The following CEP44 variants were observed in gnomAD, a reference collection of about 807,000 sequenced individuals.
The protein encoded by CEP44 is centrosomal protein 44.
A neutral mutation model predicts 46.7 loss-of-function variants in CEP44; 45 were observed. That is an observed-to-expected ratio of 0.96 (90% CI 0.76 to 1.24). The LOEUF is 1.24. CEP44 is among the 50% of genes most tolerant of loss of function. The pLI is 0.00. For synonymous variants in CEP44, 142 were observed against 146.0 expected, an observed-to-expected ratio of 0.97 and a Z score of 0.20; for missense variants, 475 against 459.7, an observed-to-expected ratio of 1.03 and a Z score of -0.30.
intron 8 of CEP44, among the ~76,000 whole-genome samples, chr4:174,328,486 G>A (rs1277048050): frequency 6.6e-6 from 1 of 152,192 alleles, no homozygotes; most frequent in Non-Finnish European, 1.5e-5. Flanking sequence ...CTGCCTCGTA[G>A]AATTCCAGGA....
Position 174,286,522 on chromosome 4 carries a change from A to G in CEP44, c.-148+2579A>G, listed in dbSNP as rs928950704. On this transcript the variant is annotated intron_variant, in intron 1 of 11. Coordinates refer to ENST00000503780, the MANE Select transcript of CEP44 (RefSeq NM_001040157.3). The surrounding 1 kb of genome is among the most constrained non-coding windows in gnomAD (Gnocchi z 5.2). ...TATTGTTATGTATTACTTTTCTTCTATGAAGTGTCCATGGACAGTTGTGGT... is the reference window on the plus strand; with the variant it reads ...TATTGTTATGTATTACTTTTCTTCTGTGAAGTGTCCATGGACAGTTGTGGT... Among the ~76,000 whole-genome samples the G allele has an allele frequency of 5.9e-5, 9 of 152,186 alleles. No individual in the cohort carries two copies. The highest frequency in any genetic ancestry group is 1.9e-4 in the African/African-American group (8 of 41,436).
chr4:174,323,849 CAA>C (rs1311922864), downstream of CEP44, among the ~76,000 whole-genome samples: 1 of 152,064 alleles, frequency 6.6e-6, no homozygotes, highest in Non-Finnish European at 1.5e-5. Flanking sequence ...TTGAACTGGA[CAA>C]GAGCTGATCC....
rs1003941624 is a variant in CEP44, at chr4:174,320,287, T to C, written c.*2904T>C. ...TTGTTTTCCTCTACTGTTTTTAATG[T>C]GATGTTGTAATATATTTTAAAAATA... is the stretch of plus-strand genomic sequence containing the variant. On this transcript the variant is annotated 3_prime_UTR_variant, in exon 12 of 12. Coordinates refer to ENST00000503780, the MANE Select transcript of CEP44 (RefSeq NM_001040157.3). The C allele has an allele frequency of 1.0e-6, 1 of 979,140 alleles. No individual in the cohort carries two copies. The highest frequency in any genetic ancestry group is 6.2e-5 in the Admixed American group (1 of 16,220). The allele number at this position is 979,140 out of a possible 1,614,324, so 60.7% of individuals were successfully genotyped here.
chr4:174,303,712 G>C lies in CEP44; in HGVS notation c.247G>C (p.Asp83His). Reference sequence around the variant, plus strand: ...TCTGTTTCCTCTGCAGCTTCTTCGTGATCAATTTAATTATAAACCAATTTT... The same window carrying C: ...TCTGTTTCCTCTGCAGCTTCTTCGTCATCAATTTAATTATAAACCAATTTT... ...FIDAVYKLLR[D>H]QFNYKPILTK... The change falls in exon 5 of 12, where the codon GAT (aspartate) becomes CAT (histidine). Residue 83 changes from aspartate (D) to histidine (H), a missense_variant. By Grantham distance (81) the Asp-to-His change is moderately conservative. Transcript: ENST00000503780. 1 of 1,522,828 alleles carries C rather than the reference G, an allele frequency of 6.6e-7. No individual in the cohort carries two copies. The highest frequency in any genetic ancestry group is 9.0e-7 in the Non-Finnish European group (1 of 1,117,008). 94.3% of individuals were successfully genotyped at this position (1,522,828 alleles called of 1,614,324 possible). A position where few individuals can be genotyped will look rare whatever the true frequency, so the allele number is the denominator to read the frequency against.
At position 174,326,076 on chromosome 4, in the gene CEP44, C is replaced by T. The variant is rs1264297614; in HGVS notation, c.1087-5406C>T. On this transcript the variant is annotated intron_variant, in intron 8 of 8. Coordinates refer to the CEP44 transcript ENST00000426172. The surrounding 1 kb of genome is among the most constrained non-coding windows in gnomAD (Gnocchi z 4.8). ...ATTTAACTTGATTATGGATATGGTT[C>T]AAATCTACCACCTTCTTATATTTGT... Among the ~76,000 whole-genome samples the T allele has an allele frequency of 1.3e-5, 2 of 152,052 alleles. No homozygotes were observed. The highest frequency in any genetic ancestry group is 4.8e-5 in the African/African-American group (2 of 41,424).
chr4:174,297,151 C>G lies in CEP44; in HGVS notation c.-147-815C>G, dbSNP rs1229078264. Among the ~76,000 whole-genome samples, 1 of 151,904 alleles carries G rather than the reference C, an allele frequency of 6.6e-6. No homozygotes were observed. The highest frequency in any genetic ancestry group is 1.5e-5 in the Non-Finnish European group (1 of 67,954). ...ATGTAGTTAGATCTTATTTTTGATC[C>G]ACTTTAACAATCTCTGGCTCATTTT... On this transcript the variant is annotated intron_variant, in intron 1 of 11. Coordinates refer to ENST00000503780, the MANE Select transcript of CEP44 (RefSeq NM_001040157.3). The surrounding 1 kb of genome is among the most constrained non-coding windows in gnomAD (Gnocchi z 4.3).
intron 1 of CEP44, among the ~76,000 whole-genome samples, chr4:174,285,755 C>G (rs1256584722): frequency 6.6e-6 from 1 of 152,150 alleles, no homozygotes; most frequent in Non-Finnish European, 1.5e-5. Flanking sequence ...CCGAAAGAAG[C>G]TCAGACCTAC....
At chr4:174,299,619 A>AT (rs1444285820) in intron 3 of CEP44, among the ~76,000 whole-genome samples, 2 of 152,098 alleles carry the variant, frequency 1.3e-5, no homozygotes, top group African/African-American at 4.8e-5. Flanking sequence ...CTTATCATTT[A>AT]TTTGTTTATT....
chr4:174,303,404 T>C (rs953552616), intron 4 of CEP44, among the ~76,000 whole-genome samples: 1 of 152,328 alleles, frequency 6.6e-6, no homozygotes, highest in African/African-American at 2.4e-5. Flanking sequence ...TAAGAAGTTT[T>C]TCTAATATCT....
intron 1 of CEP44, among the ~76,000 whole-genome samples, chr4:174,289,981 A>G (rs771332750): frequency 4.6e-5 from 7 of 151,896 alleles, no homozygotes; most frequent in Non-Finnish European, 5.9e-5. Flanking sequence ...TGGGAGTCCC[A>G]AGTAGGTGGG....
intron 1 of CEP44, chr4:174,285,588 A>G (rs1737494463): frequency 6.6e-6 from 1 of 152,200 alleles, no homozygotes; most frequent in South Asian, 2.1e-4. Flanking sequence ...AGAAGATATC[A>G]TAAAGTGTTA....
At chr4:174,305,102 G>C (rs1317077569) in intron 6 of CEP44, among the ~76,000 whole-genome samples, 1 of 152,168 alleles carries the variant, frequency 6.6e-6, no homozygotes, top group Non-Finnish European at 1.5e-5. Flanking sequence ...ATAATCTAGA[G>C]TATTATTTCT....
intron 3 of CEP44, 108 bp downstream of exon 3, chr4:174,299,318 T>A: frequency 2.5e-6 from 2 of 784,778 alleles, no homozygotes; most frequent in Middle Eastern, 2.6e-4. Flanking sequence ...GGTTCCTATT[T>A]AAATCTGCCT....
chr4:174,313,935 A>G (rs1741383016), intron 9 of CEP44, among the ~76,000 whole-genome samples: 1 of 152,182 alleles, frequency 6.6e-6, no homozygotes. Context: ...TATATATGAA[A>G]TCCTTAAGAC....
intron 1 of CEP44, among the ~76,000 whole-genome samples, chr4:174,284,564 T>G (rs546548987): frequency 7.2e-5 from 11 of 152,334 alleles, no homozygotes; most frequent in African/African-American, 2.2e-4. Flanking sequence ...CAAGTTAATC[T>G]TGAAGTTGTT....
rs1176146420 is a variant in CEP44 at position 174,326,794 on chromosome 4, A to T, written c.1087-4688A>T. 6.6e-6 allele frequency among the ~76,000 whole-genome samples: 1 copy of T among 151,774 alleles called. No homozygotes were observed. The highest frequency in any genetic ancestry group is 2.4e-5 in the African/African-American group (1 of 41,334). ...TTGGTTTTTTTGTTTGTTGTTTTTC[A>T]TTCTTTTCAGTAATTTAAAGATGGC... is the stretch of plus-strand genomic sequence containing the variant. On this transcript the variant is annotated intron_variant, in intron 8 of 8. Transcript: ENST00000426172. The surrounding 1 kb of genome is among the most constrained non-coding windows in gnomAD (Gnocchi z 4.8).
rs536184120 is a variant in CEP44, at chr4:174,311,856, A to G, written c.961+998A>G. ...GAGCACATATCAATATCATTGCACA[A>G]AGAACAATTTCAGTGATTAGCTTGT... On this transcript the variant is annotated intron_variant, in intron 9 of 11. Coordinates refer to ENST00000503780, the MANE Select transcript of CEP44 (RefSeq NM_001040157.3). The surrounding 1 kb of genome is among the most constrained non-coding windows in gnomAD (Gnocchi z 4.4). 1.1e-4 allele frequency among the ~76,000 whole-genome samples: 17 copies of G among 152,326 alleles called. No individual in the cohort carries two copies. Among genetic ancestry groups the G allele is most frequent in the African/African-American group, 4.1e-4 (17 of 41,574 alleles).
intron 6 of CEP44, 107 bp from the exon 7 acceptor site, chr4:174,308,582 A>G: frequency 9.8e-7 from 1 of 1,017,104 alleles, no homozygotes. Flanking sequence ...GCACACATTT[A>G]CTTGTGTAAC....
rs995127783 is a variant in CEP44 at position 174,309,635 on chromosome 4, C to CT, written c.679-206dup. 2.7e-4 allele frequency among the ~76,000 whole-genome samples: 40 copies of CT among 149,568 alleles called. No individual in the cohort carries two copies. Among genetic ancestry groups the CT allele is most frequent in the Admixed American group, 6.0e-4 (9 of 14,950 alleles). Reference sequence around the variant, plus strand: ...TATGAAATAGATACTGCTCTTATCTCTTTTTTTTTAATGAGGAAATGGAGG... The same window carrying CT: ...TATGAAATAGATACTGCTCTTATCTCTTTTTTTTTTAATGAGGAAATGGAGG... On this transcript the variant is annotated intron_variant, in intron 7 of 11. Coordinates refer to ENST00000503780, the MANE Select transcript of CEP44 (RefSeq NM_001040157.3). This position sits in a 1 kb window ranked among gnomAD's most constrained non-coding sequence, Gnocchi z 5.3.
Sources: allele counts gnomAD v4.1 joint callset (sites outside exome capture counted in the v4.1 genomes callset), GRCh38; gene constraint gnomAD v4.1.1; non-coding constraint Gnocchi (gnomAD v3.1); transcripts MANE v1.5; gene names NCBI Gene and HGNC (gene_info 2026-07-23, HGNC 2026-07-21).